Variants in PNPT1 observed in about 807,000 individuals in gnomAD.
The protein encoded by PNPT1 is polyribonucleotide nucleotidyltransferase 1, mitochondrial.
A neutral mutation model predicts 119.5 loss-of-function variants in PNPT1; 53 were observed. The observed-to-expected ratio is 0.44, with a 90% confidence interval of 0.36 to 0.56. The LOEUF (loss-of-function observed/expected upper bound fraction) is 0.56. Among genes scored for constraint, PNPT1 ranks in the 20% least tolerant of loss-of-function variants. PNPT1 has a pLI of 0.00. For missense variants in PNPT1, 948 were observed against 938.5 expected (o/e 1.01, Z -0.13); for synonymous variants, 357 against 322.1 (o/e 1.11, Z -1.16).
At chr2:55,644,469 A>G (rs1324886767) in intron 23 of PNPT1, among the ~76,000 whole-genome samples, 168 bp downstream of exon 23, 2 of 152,178 alleles carry the variant, frequency 1.3e-5, no homozygotes, top group Non-Finnish European at 2.9e-5. Flanking sequence ...TAATTTATTA[A>G]TAGGCACACA....
At chr2:55,689,812 A>C (rs1357142942) in intron 1 of PNPT1, among the ~76,000 whole-genome samples, 2 of 152,062 alleles carry the variant, frequency 1.3e-5, no homozygotes, top group African/African-American at 4.8e-5. Context: ...TGAACTGTAC[A>C]CTTTATTTAT....
intron 25 of PNPT1, among the ~76,000 whole-genome samples, chr2:55,641,927 T>G (rs1233402237): frequency 2.0e-5 from 3 of 151,878 alleles, no homozygotes; most frequent in Non-Finnish European, 4.4e-5. Context: ...CTGCAACCTC[T>G]GCCTCCCGGC....
Position 55,671,370 on chromosome 2 carries a change from T to C in PNPT1, c.925A>G (p.Arg309Gly). The C allele has an allele frequency of 6.5e-7, 1 of 1,529,350 alleles. No homozygotes were observed. The highest frequency in any genetic ancestry group is 8.8e-7 in the Non-Finnish European group (1 of 1,134,730). The allele number at this position is 1,529,350 out of a possible 1,614,324, so 94.7% of individuals were successfully genotyped here. The stretch of plus-strand genomic sequence containing the variant: ...CTTATTTTGTTAACAGCTTCATCTC[T>C]GGAAACCTAAAAGAAAGTTGAGGTT... ...FTDYEHDKVS[R>G]DEAVNKIRLD... Residue 309 changes from arginine to glycine, a missense_variant, in exon 11 of 28, where the codon AGA (arginine) becomes GGA (glycine). Physicochemically the swap from Arg to Gly is moderately radical, Grantham distance 125 (BLOSUM62 -2). Coordinates refer to ENST00000447944, the MANE Select transcript of PNPT1 (RefSeq NM_033109.5).
intron 1 of PNPT1, among the ~76,000 whole-genome samples, chr2:55,689,013 A>G (rs1018273082): frequency 6.6e-6 from 1 of 152,248 alleles, no homozygotes; most frequent in African/African-American, 2.4e-5. Flanking sequence ...GAAACAAAAC[A>G]CAGGAGTAAA....
chr2:55,650,858 C>T (rs1046175714), intron 18 of PNPT1, among the ~76,000 whole-genome samples: 2 of 151,414 alleles, frequency 1.3e-5, no homozygotes, highest in Non-Finnish European at 2.9e-5. Context: ...AAGTGAGGAG[C>T]GTCTCTGCCC....
chr2:55,672,080 A>C, intron 9 of PNPT1, 34 bp from the exon 10 acceptor site: 1 of 1,508,242 alleles, frequency 6.6e-7, no homozygotes, highest in Non-Finnish European at 9.0e-7. Flanking sequence ...TAGCATAATA[A>C]TATCTGGAAA....
chr2:55,679,942 T>C, intron 7 of PNPT1, 147 bp from the exon 8 acceptor site: 1 of 606,042 alleles, frequency 1.7e-6, no homozygotes, highest in Non-Finnish European at 2.8e-6. Context: ...CCACAGAACA[T>C]CCTACCCCAC....
intron 17 of PNPT1, among the ~76,000 whole-genome samples, chr2:55,655,293 C>T (rs1696351489): frequency 6.6e-6 from 1 of 152,006 alleles, no homozygotes; most frequent in Admixed American, 6.6e-5. Context: ...GCCACCACGC[C>T]CAGCTAATTT....
At chr2:55,683,738 TA>T in intron 5 of PNPT1, 46 bp downstream of exon 5, 1 of 1,509,856 alleles carries the variant, frequency 6.6e-7, no homozygotes, top group Non-Finnish European at 9.1e-7. Context: ...ATTCATTAAG[TA>T]ATTTTTGATT....
At chr2:55,684,399 G>A (rs1174883893) in intron 4 of PNPT1, among the ~76,000 whole-genome samples, 1 of 152,174 alleles carries the variant, frequency 6.6e-6, no homozygotes, top group African/African-American at 2.4e-5. Flanking sequence ...GGGAGGTAGA[G>A]GTTGCAGTGA....
At chr2:55,652,629 A>G (rs1696246724) in intron 18 of PNPT1, among the ~76,000 whole-genome samples, 1 of 152,088 alleles carries the variant, frequency 6.6e-6, no homozygotes, top group African/African-American at 2.4e-5. Context: ...TCATCCCTTA[A>G]CCAGTATGAA....
chr2:55,684,010 C>G (rs1697324127), intron 4 of PNPT1, among the ~76,000 whole-genome samples, 176 bp from the exon 5 acceptor site: 1 of 152,126 alleles, frequency 6.6e-6, no homozygotes, highest in Admixed American at 6.6e-5. Context: ...ATACCATGCC[C>G]TAACAACAAA....
chr2:55,636,168 TA>T lies in PNPT1; in HGVS notation c.*68del. ...AAATCTACACAATGGAAGATACTAC[TA>T]AAATGTTGCTCTACAGCACATCACC... On this transcript the variant is annotated 3_prime_UTR_variant, in exon 28 of 28. Coordinates refer to ENST00000447944, the MANE Select transcript of PNPT1 (RefSeq NM_033109.5). 2 of 1,185,752 alleles carry T rather than the reference TA, an allele frequency of 1.7e-6. No homozygotes were observed. Among genetic ancestry groups the T allele is most frequent in the Non-Finnish European group, 2.3e-6 (2 of 852,996 alleles). The allele number at this position is 1,185,752 out of a possible 1,614,324, so 73.5% of individuals were successfully genotyped here.
intron 13 of PNPT1, among the ~76,000 whole-genome samples, chr2:55,662,640 C>T (rs1246960384): frequency 1.3e-5 from 2 of 152,118 alleles, no homozygotes; most frequent in Non-Finnish European, 2.9e-5. Flanking sequence ...CACCACTGCA[C>T]TCCAGCCTGG....
At position 55,666,164 on chromosome 2, in the gene PNPT1, C is replaced by T. The variant is rs184288047; in HGVS notation, c.1176+827G>A. Among the ~76,000 whole-genome samples, 20 of 152,228 alleles carry T rather than the reference C, an allele frequency of 1.3e-4. No individual in the cohort carries two copies. In the East Asian group the frequency reaches 3.9e-3, roughly 29 times the overall value. On this transcript the variant is annotated intron_variant, in intron 13 of 27. Transcript: ENST00000447944. ...CTAATTTATAGTGACAAAAGCAGAT[C>T]AGTAGTCTCCTGAGGAGGTGGGGGG...
chr2:55,658,809 G>A (rs1016321510), intron 15 of PNPT1, among the ~76,000 whole-genome samples: 2 of 152,124 alleles, frequency 1.3e-5, no homozygotes, highest in African/African-American at 4.8e-5. Flanking sequence ...TGGATATTCT[G>A]TAGCATATAA....
chr2:55,646,195 A>G, intron 21 of PNPT1, 64 bp downstream of exon 21: 27 of 1,384,568 alleles, frequency 2.0e-5, no homozygotes, highest in East Asian at 4.6e-5. Flanking sequence ...AAGCCTAATG[A>G]GAACTATAGT....
chr2:55,649,997 T>C (rs1410127689), intron 18 of PNPT1, among the ~76,000 whole-genome samples: 1 of 152,190 alleles, frequency 6.6e-6, no homozygotes, highest in East Asian at 1.9e-4. Flanking sequence ...AACCTTCAGA[T>C]TGTACAATGT....
chr2:55,671,931 CAT>C (rs1696928398), intron 10 of PNPT1, 62 bp downstream of exon 10: 1 of 1,210,180 alleles, frequency 8.3e-7, no homozygotes, highest in East Asian at 2.5e-5. Flanking sequence ...AAGAAAATTA[CAT>C]GAGTTATGAC....
Sources: allele counts gnomAD v4.1 joint callset (sites outside exome capture counted in the v4.1 genomes callset), GRCh38; gene constraint gnomAD v4.1.1; transcripts MANE v1.5; gene names NCBI Gene and HGNC (gene_info 2026-07-23, HGNC 2026-07-21).